Variants in CADM2 observed in about 807,000 individuals in gnomAD.
CADM2 encodes the protein cell adhesion molecule 2, also known as immunoglobulin superfamily member 4D.
CADM2 carries 12 observed loss-of-function variants against 49.8 expected under a neutral mutation model. The observed-to-expected ratio is 0.24, with a 90% CI of 0.15 to 0.39. The LOEUF (loss-of-function observed/expected upper bound fraction) is 0.39, where lower values mean the gene tolerates loss of function less well. CADM2 is among the 10% of genes least tolerant of loss of function. The pLI is 1.00. For missense variants in CADM2, 378 were observed against 492.3 expected (o/e 0.77, Z 2.20); for synonymous variants, 214 against 175.4 (o/e 1.22, Z -1.74).
At chr3:85,841,231 G>T (rs1166552404) in intron 3 of CADM2, among the ~76,000 whole-genome samples, 1 of 151,772 alleles carries the variant, frequency 6.6e-6, no homozygotes, top group Non-Finnish European at 1.5e-5. Context: ...TCCTTTAGGT[G>T]AATATTTAAA....
intron 1 of CADM2, among the ~76,000 whole-genome samples, chr3:85,291,814 G>A (rs181902754): frequency 6.8e-6 from 1 of 147,558 alleles, no homozygotes; most frequent in Non-Finnish European, 1.5e-5. Context: ...GGAAAAACTG[G>A]TACCAGCCGC....
chr3:85,705,988 A>C (rs1193398240), intron 1 of CADM2, among the ~76,000 whole-genome samples: 3 of 152,152 alleles, frequency 2.0e-5, no homozygotes, highest in Non-Finnish European at 4.4e-5. Context: ...ATTTAGTATG[A>C]CCTCAGATTT....
chr3:85,054,235 GA>G (rs1483359591), intron 1 of CADM2, among the ~76,000 whole-genome samples: 1 of 151,884 alleles, frequency 6.6e-6, no homozygotes, highest in African/African-American at 2.4e-5. Flanking sequence ...GGGATGAGAG[GA>G]GATGGTATTT....
chr3:84,963,955 CTG>C (rs1359575451), intron 1 of CADM2, among the ~76,000 whole-genome samples: 2 of 152,104 alleles, frequency 1.3e-5, no homozygotes, highest in African/African-American at 4.8e-5. Context: ...AATGCAATAA[CTG>C]TGGCTTAAAT....
intron 1 of CADM2, among the ~76,000 whole-genome samples, chr3:85,503,032 C>T (rs916499947): frequency 6.6e-6 from 1 of 152,006 alleles, no homozygotes; most frequent in African/African-American, 2.4e-5. Flanking sequence ...AAAAGATCCT[C>T]AGATAGGTTC....
intron 1 of CADM2, among the ~76,000 whole-genome samples, chr3:85,378,104 C>A (rs2033697928): frequency 6.6e-6 from 1 of 151,922 alleles, no homozygotes; most frequent in Admixed American, 6.6e-5. Flanking sequence ...ATGTAAAATA[C>A]TTTAAAATTT....
Position 85,449,080 on chromosome 3 carries a change from A to AATAATAATAATAATAATAAT in CADM2, c.62-277441_62-277440insTAATAATAATAATAATAATA, listed in dbSNP as rs1443044071. On this transcript the variant is annotated intron_variant, in intron 1 of 9. Coordinates refer to ENST00000383699, the MANE Select transcript of CADM2 (RefSeq NM_001167675.2). ...TAATAATAATAATAATAATAATGAT[A>AATAATAATAATAATAATAAT]AAAATTATATAATTCATTATACCAT... Among the ~76,000 whole-genome samples the AATAATAATAATAATAATAAT allele has an allele frequency of 2.7e-5, 4 of 147,730 alleles. No homozygotes were observed. In the South Asian group the frequency reaches 8.4e-4, roughly 31 times the overall value.
chr3:85,723,629 G>A (rs892301223), intron 1 of CADM2, among the ~76,000 whole-genome samples: 1 of 152,018 alleles, frequency 6.6e-6, no homozygotes, highest in African/African-American at 2.4e-5. Flanking sequence ...TCTATTCTAT[G>A]TTGGTACCTG....
chr3:85,712,945 G>C (rs1055635883), intron 1 of CADM2, among the ~76,000 whole-genome samples: 4 of 152,096 alleles, frequency 2.6e-5, no homozygotes, highest in African/African-American at 9.7e-5. Flanking sequence ...AGAGTTGTGA[G>C]ATGCTTACCA....
intron 6 of CADM2, among the ~76,000 whole-genome samples, chr3:85,932,283 A>G (rs1209000283): frequency 6.6e-6 from 1 of 152,116 alleles, no homozygotes; most frequent in East Asian, 1.9e-4. Context: ...CTGAAGGAGA[A>G]ACGTTGGGGA....
intron 1 of CADM2, among the ~76,000 whole-genome samples, chr3:85,148,239 G>A (rs1444256562): frequency 2.0e-5 from 3 of 152,106 alleles, no homozygotes; most frequent in Admixed American, 1.3e-4. Context: ...AGCTAAGTCC[G>A]ACTCAATAGC....
intron 1 of CADM2, among the ~76,000 whole-genome samples, chr3:85,230,299 A>G (rs1181512971): frequency 1.3e-5 from 2 of 152,254 alleles, no homozygotes; most frequent in African/African-American, 4.8e-5. Flanking sequence ...AACATGAAGG[A>G]ATGAGAATAC....
At chr3:85,002,783 T>C (rs771484893) in intron 1 of CADM2, among the ~76,000 whole-genome samples, 1 of 152,046 alleles carries the variant, frequency 6.6e-6, no homozygotes, top group Non-Finnish European at 1.5e-5. Flanking sequence ...TCTTTCTTTT[T>C]TTCTTTGTTT....
chr3:85,378,288 T>C (rs562634417), intron 1 of CADM2, among the ~76,000 whole-genome samples: 11 of 152,130 alleles, frequency 7.2e-5, no homozygotes, highest in African/African-American at 2.4e-4. Context: ...CTCGTATATT[T>C]ATCTTCCTCA....
rs202151282 is a variant in CADM2 at position 86,039,297 on chromosome 3, T to A, written c.971-26308T>A. ...TGCCTCACCTGGGAAGTGAAAGGGG[T>A]CAGGGAATTCCTAGTCAAAGAAATT... On this transcript the variant is annotated intron_variant, in intron 8 of 9. Transcript: ENST00000383699. Among the ~76,000 whole-genome samples the A allele has an allele frequency of 9.2e-5, 13 of 141,600 alleles. No individual in the cohort carries two copies. In the East Asian group the frequency reaches 2.9e-3, roughly 32 times the overall value. 92.9% of individuals were successfully genotyped at this position (141,600 alleles called of 152,430 possible). A position where few individuals can be genotyped will look rare whatever the true frequency, so the allele number is the denominator to read the frequency against.
intron 1 of CADM2, among the ~76,000 whole-genome samples, chr3:85,572,265 C>T (rs928501669): frequency 3.3e-5 from 5 of 151,810 alleles, no homozygotes; most frequent in Admixed American, 2.0e-4. Context: ...CCAGTCTGGG[C>T]GACAGAGTAA....
At chr3:85,897,318 G>A (rs1388578806) in intron 5 of CADM2, among the ~76,000 whole-genome samples, 1 of 124,640 alleles carries the variant, frequency 8.0e-6, no homozygotes, top group Non-Finnish European at 1.6e-5. Context: ...GCCGGACTGC[G>A]GACTGCAGTG....
chr3:85,787,759 T>C (rs2071080722), intron 2 of CADM2, among the ~76,000 whole-genome samples: 1 of 152,130 alleles, frequency 6.6e-6, no homozygotes, highest in South Asian at 2.1e-4. Flanking sequence ...TTCAATGTCT[T>C]GCCGTTGTGT....
chr3:85,734,945 C>T (rs533550043), intron 2 of CADM2, among the ~76,000 whole-genome samples: 17 of 149,610 alleles, frequency 1.1e-4, no homozygotes, highest in African/African-American at 3.9e-4. Flanking sequence ...TTTATTTGTT[C>T]TATTTTAAAA....
Sources: allele counts gnomAD v4.1 joint callset (sites outside exome capture counted in the v4.1 genomes callset), GRCh38; gene constraint gnomAD v4.1.1; transcripts MANE v1.5; gene names NCBI Gene and HGNC (gene_info 2026-07-23, HGNC 2026-07-21).